Variants in ZRANB3 observed in about 807,000 individuals in gnomAD.
The protein encoded by ZRANB3 is DNA annealing helicase and endonuclease ZRANB3.
A neutral mutation model predicts 133.8 loss-of-function variants in ZRANB3; 125 were observed. That is an observed-to-expected ratio of 0.93 (90% CI 0.81 to 1.08). The LOEUF (loss-of-function observed/expected upper bound fraction) is 1.08. Among genes scored for constraint, ZRANB3 ranks in the 50% least tolerant of loss-of-function variants. The pLI is 0.00. For missense variants in ZRANB3, 1,229 were observed against 1,275.5 expected (o/e 0.96, Z 0.56); for synonymous variants, 387 against 432.7 (o/e 0.89, Z 1.31).
chr2:135,227,931 G>C lies in ZRANB3; in HGVS notation c.2039C>G (p.Thr680Ser). 6.4e-7 allele frequency: 1 copy of C among 1,555,012 alleles called. No homozygotes were observed. The highest frequency in any genetic ancestry group is 8.7e-7 in the Non-Finnish European group (1 of 1,148,224). Residue 680 changes from threonine (T) to serine (S), a missense_variant, in exon 14 of 21, where the codon ACT (threonine) becomes AGT (serine). Transcript: ENST00000264159. ...SQKDTSKKVQTISDCEKQALA... is the reference protein window; with the variant it reads ...SQKDTSKKVQSISDCEKQALA... ...GGCTTGTTTTTCACAGTCTGAGATA[G>C]TTTGAACCTTTTTGGAGGTGTCTTT... is the stretch of plus-strand genomic sequence containing the variant.
At chr2:135,267,720 C>T (rs1310798315) in intron 11 of ZRANB3, among the ~76,000 whole-genome samples, 1 of 152,078 alleles carries the variant, frequency 6.6e-6, no homozygotes, top group Admixed American at 6.5e-5. Flanking sequence ...TGAAACTTAA[C>T]CAACATATGA....
intron 15 of ZRANB3, among the ~76,000 whole-genome samples, chr2:135,221,364 C>T (rs1438535039): frequency 6.6e-6 from 1 of 152,048 alleles, no homozygotes; most frequent in East Asian, 1.9e-4. Context: ...CAAGAAGAAG[C>T]AGGCTACTAG....
intron 12 of ZRANB3, among the ~76,000 whole-genome samples, chr2:135,249,712 G>A (rs1014899298): frequency 7.9e-5 from 12 of 152,176 alleles, no homozygotes; most frequent in African/African-American, 2.7e-4. Flanking sequence ...ACGGGTTTCC[G>A]CTTTTGCTTC....
At chr2:135,401,100 T>C (rs1325423129) in intron 2 of ZRANB3, among the ~76,000 whole-genome samples, 1 of 152,168 alleles carries the variant, frequency 6.6e-6, no homozygotes, top group Non-Finnish European at 1.5e-5. Context: ...TATTGCAGAA[T>C]GATGAGTAAA....
chr2:135,298,362 T>C (rs564072568), intron 8 of ZRANB3, among the ~76,000 whole-genome samples: 4 of 152,238 alleles, frequency 2.6e-5, no homozygotes, highest in Non-Finnish European at 5.9e-5. Context: ...GCTGGTGAGC[T>C]AGTGTGATCT....
chr2:135,230,385 T>C (rs533638905), intron 13 of ZRANB3, 128 bp downstream of exon 13: 2 of 775,788 alleles, frequency 2.6e-6, no homozygotes, highest in Admixed American at 3.8e-5. Flanking sequence ...GAAGCTCTTA[T>C]TCCAATTTAA....
chr2:135,448,948 G>A (rs1205762993), intron 2 of ZRANB3, among the ~76,000 whole-genome samples: 1 of 152,176 alleles, frequency 6.6e-6, no homozygotes, highest in Non-Finnish European at 1.5e-5. Flanking sequence ...AGGAGTCTAT[G>A]TTTCCTCCTC....
chr2:135,325,088 A>G (rs1215040509), intron 6 of ZRANB3, among the ~76,000 whole-genome samples: 2 of 152,232 alleles, frequency 1.3e-5, no homozygotes, highest in Admixed American at 1.3e-4. Context: ...GTTAATCTAC[A>G]GATTCAATGC....
intron 8 of ZRANB3, among the ~76,000 whole-genome samples, chr2:135,307,281 G>C (rs1397607523): frequency 2.6e-5 from 4 of 152,106 alleles, no homozygotes; most frequent in African/African-American, 7.2e-5. Flanking sequence ...GCTCAGGCTG[G>C]TCTTGAATTC....
intron 2 of ZRANB3, among the ~76,000 whole-genome samples, chr2:135,425,811 A>G (rs1222117699): frequency 6.6e-6 from 1 of 152,162 alleles, no homozygotes; most frequent in Non-Finnish European, 1.5e-5. Flanking sequence ...AACCAACCCC[A>G]AGGATAGCAG....
intron 2 of ZRANB3, among the ~76,000 whole-genome samples, chr2:135,394,677 C>A (rs1038034082): frequency 1.3e-5 from 2 of 151,888 alleles, no homozygotes; most frequent in African/African-American, 2.4e-5. Context: ...CACTACTACA[C>A]TGTAAAATTA....
intron 20 of ZRANB3, among the ~76,000 whole-genome samples, chr2:135,201,551 G>C (rs1445176990): frequency 6.6e-6 from 1 of 151,818 alleles, no homozygotes; most frequent in Non-Finnish European, 1.5e-5. Flanking sequence ...TACTCAGGAG[G>C]CTGAGGTAGG....
chr2:135,466,938 C>T (rs1265186187), intron 2 of ZRANB3, among the ~76,000 whole-genome samples: 1 of 152,024 alleles, frequency 6.6e-6, no homozygotes, highest in Non-Finnish European at 1.5e-5. Context: ...GGATTACAGG[C>T]GTGAGCTACC....
At chr2:135,376,822 T>G (rs1211417852) in intron 3 of ZRANB3, among the ~76,000 whole-genome samples, 1 of 152,168 alleles carries the variant, frequency 6.6e-6, no homozygotes, top group Admixed American at 6.5e-5. Flanking sequence ...AGAGTAAACC[T>G]GAATGTACGC....
At chr2:135,488,373 A>G (rs774320605) in intron 2 of ZRANB3, among the ~76,000 whole-genome samples, 3 of 152,186 alleles carry the variant, frequency 2.0e-5, no homozygotes, top group Non-Finnish European at 4.4e-5. Flanking sequence ...AAATGGTTCT[A>G]AAAGACATGC....
chr2:135,379,340 T>C (rs1414558019), intron 3 of ZRANB3, among the ~76,000 whole-genome samples: 1 of 152,208 alleles, frequency 6.6e-6, no homozygotes, highest in Non-Finnish European at 1.5e-5. Context: ...CACTGTCTTA[T>C]TCCTTTGAGC....
At chr2:135,385,370 T>A (rs1336477178) in intron 3 of ZRANB3, among the ~76,000 whole-genome samples, 4 of 152,200 alleles carry the variant, frequency 2.6e-5, no homozygotes, top group Non-Finnish European at 5.9e-5. Flanking sequence ...GAACATTCCA[T>A]GCTCATGGGT....
chr2:135,215,254 G>T (rs903346683), intron 17 of ZRANB3, among the ~76,000 whole-genome samples: 10 of 150,744 alleles, frequency 6.6e-5, no homozygotes, highest in South Asian at 6.4e-4. Flanking sequence ...TTTTTGTTTT[G>T]TTTTATTTTA....
chr2:135,207,409 T>C (rs1693915427), intron 19 of ZRANB3, 25 bp downstream of exon 19: 1 of 1,572,632 alleles, frequency 6.4e-7, no homozygotes, highest in Non-Finnish European at 8.6e-7. Context: ...TGCTGCCTTC[T>C]ATCTATCACA....
Sources: gnomAD v4.1 joint callset for allele counts (sites outside exome capture counted in the v4.1 genomes callset) on GRCh38, gnomAD v4.1.1 for gene constraint, MANE v1.5 for transcripts, NCBI Gene and HGNC (gene_info 2026-07-23, HGNC 2026-07-21) for gene names.